The following RGS6 variants were observed in gnomAD, a reference collection of about 807,000 sequenced individuals.
RGS6 encodes the protein regulator of G-protein signaling 6.
Under a neutral mutation model 78.5 loss-of-function variants are expected in RGS6, and 30 were observed. That is an observed-to-expected ratio of 0.38 (90% CI 0.29 to 0.52). The LOEUF is 0.52. RGS6 is among the 20% of genes least tolerant of loss of function. RGS6 has a pLI of 0.85. For missense variants in RGS6, 495 were observed against 609.7 expected (o/e 0.81, Z 1.98); for synonymous variants, 206 against 206.0 (o/e 1.00, Z 0.00).
intron 3 of RGS6, among the ~76,000 whole-genome samples, chr14:72,437,508 G>A (rs1434026214): frequency 2.0e-5 from 3 of 152,062 alleles, no homozygotes; most frequent in Non-Finnish European, 2.9e-5. Flanking sequence ...AAAATTATTT[G>A]CTGCTTGAAA....
At chr14:72,499,176 C>T (rs570459241) in intron 13 of RGS6, among the ~76,000 whole-genome samples, 1 of 152,352 alleles carries the variant, frequency 6.6e-6, no homozygotes, top group African/African-American at 2.4e-5. Context: ...GGGGAACCCA[C>T]TTGGATCTGC....
chr14:72,156,857 T>C (rs1423919268), intron 2 of RGS6, among the ~76,000 whole-genome samples: 1 of 152,180 alleles, frequency 6.6e-6, no homozygotes, highest in Non-Finnish European at 1.5e-5. Flanking sequence ...GCCTGCCTTC[T>C]GGTTGGCTTC....
In RGS6 at chr14:72,352,181, C is replaced by T. The variant is rs2079224020; in HGVS notation, c.171C>T (p.Pro57=). ...RTVKSFLSKI[P]SVVTGTDIVQ... Reference sequence around the variant, plus strand: ...TCAAGAGCTTTCTCTCCAAAATCCCCAGTGTCGTCACAGGTAACACCCTCC... The same window carrying T: ...TCAAGAGCTTTCTCTCCAAAATCCCTAGTGTCGTCACAGGTAACACCCTCC... Residue 57 remains proline, a synonymous_variant, in exon 3 of 18, where the codon CCC becomes CCT. Transcript: ENST00000553525. The T allele has an allele frequency of 6.2e-7, 1 of 1,613,062 alleles. No individual in the cohort carries two copies. Among genetic ancestry groups the T allele is most frequent in the Non-Finnish European group, 8.5e-7 (1 of 1,179,466 alleles).
At chr14:72,630,008 A>G in the RGS6 span, among the ~76,000 whole-genome samples, 4 of 152,300 alleles carry the variant, frequency 2.6e-5, no homozygotes, top group East Asian at 5.8e-4. Context: ...GAAGATGGAA[A>G]ACAATGATCA....
intron 7 of RGS6, among the ~76,000 whole-genome samples, chr14:72,466,125 T>C (rs1033277482): frequency 1.3e-5 from 2 of 152,172 alleles, no homozygotes; most frequent in Non-Finnish European, 2.9e-5. Context: ...AATAAACCCA[T>C]GAAAAGATGT....
intron 1 of RGS6, among the ~76,000 whole-genome samples, chr14:71,960,546 G>A (rs1566913394): frequency 6.6e-6 from 1 of 152,220 alleles, no homozygotes; most frequent in African/African-American, 2.4e-5. Flanking sequence ...CTAGGTGCCA[G>A]GGAGAGAGGG....
intron 2 of RGS6, among the ~76,000 whole-genome samples, chr14:72,013,160 A>G (rs2086155846): frequency 6.7e-6 from 1 of 149,334 alleles, no homozygotes; most frequent in Admixed American, 6.8e-5. Flanking sequence ...AATGCCAACT[A>G]CTCGGGAGGT....
intron 17 of RGS6, among the ~76,000 whole-genome samples, chr14:72,562,053 C>A (rs974228899): frequency 3.9e-5 from 6 of 152,224 alleles, no homozygotes; most frequent in Non-Finnish European, 8.8e-5. Flanking sequence ...ACCTTTTCCT[C>A]CCCCACGTGA....
At chr14:72,498,300 G>C (rs557413003) in intron 13 of RGS6, among the ~76,000 whole-genome samples, 33 of 151,742 alleles carry the variant, frequency 2.2e-4, no homozygotes, top group African/African-American at 7.3e-4. Flanking sequence ...AGTTTTATTC[G>C]GGGTTATTCA....
At chr14:72,596,356 C>A in the RGS6 span, among the ~76,000 whole-genome samples, 2 of 152,164 alleles carry the variant, frequency 1.3e-5, no homozygotes, top group East Asian at 3.8e-4. Flanking sequence ...TTATGTTGGA[C>A]CCACCTGTAT....
chr14:72,540,876 G>A, intron 17 of RGS6: 1 of 985,420 alleles, frequency 1.0e-6, no homozygotes, highest in South Asian at 4.7e-5. Flanking sequence ...CCCCACAGTG[G>A]CACATAAAGA....
intron 2 of RGS6, among the ~76,000 whole-genome samples, chr14:71,978,073 T>C (rs1273111692): frequency 6.6e-6 from 1 of 150,654 alleles, no homozygotes; most frequent in Non-Finnish European, 1.5e-5. Context: ...TGTCTGTTGT[T>C]GGTGTATAAG....
chr14:72,074,490 G>A (rs1567152451), intron 2 of RGS6, among the ~76,000 whole-genome samples: 1 of 151,766 alleles, frequency 6.6e-6, no homozygotes, highest in Non-Finnish European at 1.5e-5. Flanking sequence ...GAGCCACCAT[G>A]CCTGGCCAAT....
chr14:72,144,478 T>C (rs1263592658), intron 2 of RGS6, among the ~76,000 whole-genome samples: 1 of 152,202 alleles, frequency 6.6e-6, no homozygotes, highest in Non-Finnish European at 1.5e-5. Context: ...AGCCTTGAGG[T>C]TCAACTTTTT....
At chr14:72,334,790 C>A (rs2075731600) in intron 2 of RGS6, among the ~76,000 whole-genome samples, 1 of 152,092 alleles carries the variant, frequency 6.6e-6, no homozygotes, top group Non-Finnish European at 1.5e-5. Flanking sequence ...GACTCCCCTC[C>A]CTCCAGCATC....
intron 2 of RGS6, among the ~76,000 whole-genome samples, chr14:72,095,176 G>T (rs143483884): frequency 6.6e-6 from 1 of 152,168 alleles, no homozygotes; most frequent in East Asian, 1.9e-4. Flanking sequence ...CTATGATTGA[G>T]CTCAATTTTG....
chr14:71,971,676 T>A (rs992293434), intron 2 of RGS6, among the ~76,000 whole-genome samples: 1 of 152,214 alleles, frequency 6.6e-6, no homozygotes, highest in Non-Finnish European at 1.5e-5. Context: ...TCCAGCACAG[T>A]GTCTTTTTAA....
At chr14:72,160,057 A>G (rs1415244120) in intron 2 of RGS6, among the ~76,000 whole-genome samples, 1 of 152,238 alleles carries the variant, frequency 6.6e-6, no homozygotes, top group Non-Finnish European at 1.5e-5. Flanking sequence ...GGTGAGCACC[A>G]GTATCTACTT....
At chr14:72,513,386 G>C (rs1038511831) in intron 14 of RGS6, among the ~76,000 whole-genome samples, 4 of 152,164 alleles carry the variant, frequency 2.6e-5, no homozygotes, top group African/African-American at 9.7e-5. Flanking sequence ...AGATGAGGGT[G>C]GGGGCATCAT....
Sources: allele counts gnomAD v4.1 joint callset (sites outside exome capture counted in the v4.1 genomes callset), GRCh38; gene constraint gnomAD v4.1.1; transcripts MANE v1.5; gene names NCBI Gene and HGNC (gene_info 2026-07-23, HGNC 2026-07-21).